SYNDIG1: variants seen among roughly 807,000 people sequenced by gnomAD.
SYNDIG1 encodes synapse differentiation-inducing gene protein 1.
A neutral mutation model predicts 19.4 loss-of-function variants in SYNDIG1; 9 were observed. The observed-to-expected ratio is 0.46, with a 90% CI of 0.28 to 0.81. SYNDIG1 has a LOEUF of 0.81. SYNDIG1 is among the 30% of genes least tolerant of loss of function. SYNDIG1 has a pLI of 0.12. For missense variants in SYNDIG1, 311 were observed against 343.3 expected, an observed-to-expected ratio of 0.91 and a Z score of 0.74; for synonymous variants, 141 against 145.9, an observed-to-expected ratio of 0.97 and a Z score of 0.24.
chr20:24,544,191 G>A (rs6106901), intron 2 of SYNDIG1, among the ~76,000 whole-genome samples: 3,835 of 152,320 alleles, frequency 0.025, 174 homozygotes, highest in African/African-American at 0.087. Context: ...CACACTGCAC[G>A]TTGGATATAG....
chr20:24,619,663 G>A (rs1318275855), intron 3 of SYNDIG1, among the ~76,000 whole-genome samples: 5 of 152,208 alleles, frequency 3.3e-5, no homozygotes, highest in African/African-American at 1.2e-4. Context: ...TAAGATAAAT[G>A]TAGTGTTGCC....
chr20:24,503,236 G>A (rs992019815), intron 1 of SYNDIG1, among the ~76,000 whole-genome samples: 1 of 152,190 alleles, frequency 6.6e-6, no homozygotes, highest in Non-Finnish European at 1.5e-5. Context: ...TATAGCTGGG[G>A]ATGCGTTCCT....
chr20:24,576,683 G>A (rs75555006), intron 2 of SYNDIG1, among the ~76,000 whole-genome samples: 5,037 of 151,944 alleles, frequency 0.033, 188 homozygotes, highest in African/African-American at 0.096. Context: ...GACCACCCCC[G>A]TCCCTGGACT....
intron 3 of SYNDIG1, among the ~76,000 whole-genome samples, chr20:24,585,834 G>A (rs918171847): frequency 4.6e-5 from 7 of 152,354 alleles, no homozygotes; most frequent in African/African-American, 1.7e-4. Context: ...GGGTGGTGCT[G>A]CGCACCCATG....
At chr20:24,511,313 T>A (rs2146460659) in intron 1 of SYNDIG1, among the ~76,000 whole-genome samples, 1 of 152,314 alleles carries the variant, frequency 6.6e-6, no homozygotes, top group Admixed American at 6.5e-5. Context: ...CTTTTTATGT[T>A]AGTTCCTCAG....
At chr20:24,617,244 C>G (rs11087472) in intron 3 of SYNDIG1, among the ~76,000 whole-genome samples, 5 of 152,076 alleles carry the variant, frequency 3.3e-5, no homozygotes, top group African/African-American at 1.2e-4. Flanking sequence ...CCGTCCCCAC[C>G]GAACCTCCGT....
At chr20:24,590,238 C>G (rs1000417587) in intron 3 of SYNDIG1, among the ~76,000 whole-genome samples, 38 of 149,640 alleles carry the variant, frequency 2.5e-4, no homozygotes, top group African/African-American at 7.2e-4. Flanking sequence ...CCTGCAGTGC[C>G]GAGGCCCTGG....
At chr20:24,609,132 G>A (rs2058807423) in intron 3 of SYNDIG1, among the ~76,000 whole-genome samples, 1 of 152,220 alleles carries the variant, frequency 6.6e-6, no homozygotes, top group Non-Finnish European at 1.5e-5. Context: ...GTCATAGCAA[G>A]AGGACAGGAG....
At chr20:24,506,151 C>T (rs138996604) in intron 1 of SYNDIG1, among the ~76,000 whole-genome samples, 249 of 152,286 alleles carry the variant, frequency 1.6e-3, no homozygotes, top group Admixed American at 5.9e-3. Flanking sequence ...AAATAATCTC[C>T]GGGAGGAATT....
chr20:24,540,296 G>A (rs941442908), intron 1 of SYNDIG1, among the ~76,000 whole-genome samples: 3 of 152,102 alleles, frequency 2.0e-5, no homozygotes, highest in African/African-American at 7.2e-5. Context: ...AGTTCTAATA[G>A]ATTTTTTTGT....
rs2059554973 is a variant in SYNDIG1, at chr20:24,658,733, G to A, written c.619-6613G>A. On this transcript the variant is annotated intron_variant, in intron 3 of 3. Transcript: ENST00000376862. The surrounding 1 kb of genome is among the most constrained non-coding windows in gnomAD (Gnocchi z 4.4). ...AAAGTGCACAGCCCGGCAACGCCCA[G>A]AGCTTCGTTTCAGGCGTTCACCACA... Among the ~76,000 whole-genome samples, 2 of 152,002 alleles carry A rather than the reference G, an allele frequency of 1.3e-5. No individual in the cohort carries two copies. The highest frequency in any genetic ancestry group is 1.3e-4 in the Admixed American group (2 of 15,254).
intron 1 of SYNDIG1, 117 bp from the exon 2 acceptor site, chr20:24,542,903 C>T: frequency 1.3e-6 from 1 of 771,164 alleles, no homozygotes; most frequent in Non-Finnish European, 2.0e-6. Flanking sequence ...ATCTAACTCT[C>T]ACAGTTACTA....
intron 1 of SYNDIG1, among the ~76,000 whole-genome samples, chr20:24,538,374 G>T (rs531735781): frequency 1.8e-4 from 28 of 152,196 alleles, no homozygotes; most frequent in African/African-American, 6.7e-4. Flanking sequence ...TATGTGACTA[G>T]CTTATTTCAC....
intron 1 of SYNDIG1, among the ~76,000 whole-genome samples, chr20:24,499,930 G>A (rs983800304): frequency 2.6e-5 from 4 of 152,282 alleles, no homozygotes; most frequent in African/African-American, 2.4e-5. Context: ...TAATTTTCAC[G>A]ATTCTAATGC....
rs201580296 is a variant in SYNDIG1, at chr20:24,543,436, C to A, written c.339C>A (p.Thr113=). 1.2e-6 allele frequency: 2 copies of A among 1,613,554 alleles called. No individual in the cohort carries two copies. Among genetic ancestry groups the A allele is most frequent in the Admixed American group, 1.7e-5 (1 of 60,000 alleles). The change falls in exon 2 of 4, where the codon ACC becomes ACA. Residue 113 remains threonine, a synonymous_variant. Coordinates refer to ENST00000376862, the MANE Select transcript of SYNDIG1 (RefSeq NM_024893.3). ...GTGTGGCCGCCGACTGCTGCGAGAC[C>A]ACCTTCATCGAGGACCGGTCGCCCA... ...GDGVAADCCE[T]TFIEDRSPTK...
At chr20:24,653,346 C>T (rs982455418) in intron 3 of SYNDIG1, among the ~76,000 whole-genome samples, 1 of 152,130 alleles carries the variant, frequency 6.6e-6, no homozygotes. Context: ...GGGCTGGGAG[C>T]TCCAGGTGTG....
intron 3 of SYNDIG1, among the ~76,000 whole-genome samples, chr20:24,611,343 C>T (rs1600739885): frequency 6.6e-6 from 1 of 152,152 alleles, no homozygotes; most frequent in East Asian, 1.9e-4. Context: ...CTTGTGTCAG[C>T]CAAAGTCCCC....
At chr20:24,532,138 C>G (rs916643695) in intron 1 of SYNDIG1, among the ~76,000 whole-genome samples, 3 of 152,166 alleles carry the variant, frequency 2.0e-5, no homozygotes, top group African/African-American at 7.2e-5. Context: ...TATATACCTG[C>G]CAGAAAAAGA....
At chr20:24,584,616 A>G (rs1263328957) in intron 2 of SYNDIG1, among the ~76,000 whole-genome samples, 2 of 152,154 alleles carry the variant, frequency 1.3e-5, no homozygotes, top group Non-Finnish European at 2.9e-5. Flanking sequence ...GTGACCCAAG[A>G]GCCCCGTACT....
Sources: allele counts gnomAD v4.1 joint callset (sites outside exome capture counted in the v4.1 genomes callset), GRCh38; gene constraint gnomAD v4.1.1; non-coding constraint Gnocchi (gnomAD v3.1); transcripts MANE v1.5; gene names NCBI Gene and HGNC (gene_info 2026-07-23, HGNC 2026-07-21).